Variants in MARCHF1 observed in about 807,000 individuals in gnomAD.
The protein encoded by MARCHF1 is membrane associated ring-CH-type finger 1, also known as E3 ubiquitin-protein ligase MARCHF1.
A neutral mutation model predicts 54.2 loss-of-function variants in MARCHF1; 40 were observed. The ratio of observed to expected loss-of-function variants is 0.74; its 90% CI spans 0.57 to 0.96. MARCHF1 has a LOEUF of 0.96. Among genes scored for constraint, MARCHF1 ranks in the 40% least tolerant of loss-of-function variants. The pLI is 0.00. For missense variants in MARCHF1, 586 were observed against 656.5 expected (o/e 0.89, Z 1.17); for synonymous variants, 236 against 236.3 (o/e 1.00, Z 0.01).
In MARCHF1 at chr4:164,343,251, TTAAATA is replaced by T. The variant is rs756139914; in HGVS notation, c.-323+40613_-323+40618del. On this transcript the variant is annotated intron_variant, in intron 1 of 9. Coordinates refer to ENST00000514618, the MANE Select transcript of MARCHF1 (RefSeq NM_001394959.1). ...ATATCAAAACATTACCTTGTACACC[TTAAATA>T]TATACAATTTTTACTTGTCAATCAT... Among the ~76,000 whole-genome samples the T allele has an allele frequency of 5.3e-4, 80 of 152,142 alleles. 1 individual carries two copies. The highest frequency in any genetic ancestry group is 8.8e-5 in the Non-Finnish European group (6 of 67,996).
Position 164,343,756 on chromosome 4 carries a change from A to C in MARCHF1, c.-323+40114T>G, listed in dbSNP as rs371796417. 1.2e-4 allele frequency among the ~76,000 whole-genome samples: 19 copies of C among 152,272 alleles called. No individual in the cohort carries two copies. In the Middle Eastern group the frequency reaches 0.01, roughly 82 times the overall value. On this transcript the variant is annotated intron_variant, in intron 1 of 9. Coordinates refer to ENST00000514618, the MANE Select transcript of MARCHF1 (RefSeq NM_001394959.1). ...TGCTGATGAGGTTGCCGAGAAATGG[A>C]AACACTTATACATTGCTGATGGAAA...
At chr4:164,264,777 G>T (rs568681796) in intron 1 of MARCHF1, among the ~76,000 whole-genome samples, 1 of 152,080 alleles carries the variant, frequency 6.6e-6, no homozygotes, top group South Asian at 2.1e-4. Flanking sequence ...AAAATTAGCT[G>T]GATGTGGTGG....
intron 2 of MARCHF1, among the ~76,000 whole-genome samples, chr4:163,992,637 G>A (rs1752989386): frequency 1.3e-5 from 2 of 151,248 alleles, no homozygotes; most frequent in South Asian, 4.2e-4. Context: ...ATTGGTTTAG[G>A]CCATATATAG....
At chr4:163,840,631 G>T (rs957236609) in intron 4 of MARCHF1, among the ~76,000 whole-genome samples, 1 of 152,082 alleles carries the variant, frequency 6.6e-6, no homozygotes, top group African/African-American at 2.4e-5. Context: ...GTGGTTCCCA[G>T]GGGCTGGAAG....
At chr4:164,013,797 A>G (rs1753478286) in intron 2 of MARCHF1, among the ~76,000 whole-genome samples, 1 of 152,200 alleles carries the variant, frequency 6.6e-6, no homozygotes, top group Non-Finnish European at 1.5e-5. Flanking sequence ...CTTCAAACAC[A>G]AACTAGAAAT....
intron 3 of MARCHF1, among the ~76,000 whole-genome samples, chr4:163,873,213 G>C (rs576923943): frequency 6.6e-6 from 1 of 152,212 alleles, no homozygotes; most frequent in Non-Finnish European, 1.5e-5. Context: ...AGCCTAAGTA[G>C]TTTCCCTTTA....
At chr4:164,376,331 C>CT (rs916387101) in intron 1 of MARCHF1, among the ~76,000 whole-genome samples, 1 of 152,130 alleles carries the variant, frequency 6.6e-6, no homozygotes, top group Non-Finnish European at 1.5e-5. Flanking sequence ...TATCTTCTTT[C>CT]TTTTTTTCTC....
chr4:163,650,156 A>T (rs1390854313), intron 5 of MARCHF1, among the ~76,000 whole-genome samples: 1 of 151,988 alleles, frequency 6.6e-6, no homozygotes, highest in African/African-American at 2.4e-5. Flanking sequence ...TCACACTGAG[A>T]AGTGTGAAGT....
At chr4:163,647,409 T>C (rs1013039476) in intron 5 of MARCHF1, among the ~76,000 whole-genome samples, 2 of 152,036 alleles carry the variant, frequency 1.3e-5, no homozygotes. Context: ...TTAGGTGAAA[T>C]GGACCTAACA....
chr4:163,875,604 G>T (rs1053838770), intron 3 of MARCHF1, among the ~76,000 whole-genome samples: 2 of 152,110 alleles, frequency 1.3e-5, no homozygotes, highest in African/African-American at 4.8e-5. Flanking sequence ...TGCATAAAAG[G>T]TTGGAATCTT....
intron 3 of MARCHF1, among the ~76,000 whole-genome samples, chr4:163,910,954 C>A (rs1751176205): frequency 6.6e-6 from 1 of 152,150 alleles, no homozygotes; most frequent in African/African-American, 2.4e-5. Flanking sequence ...GCAAAAATAA[C>A]ATGAATGAAT....
intron 5 of MARCHF1, among the ~76,000 whole-genome samples, chr4:163,674,189 C>T (rs1027871063): frequency 6.6e-6 from 1 of 152,014 alleles, no homozygotes; most frequent in Non-Finnish European, 1.5e-5. Flanking sequence ...AAAAACATAA[C>T]AAAGCAAAAT....
chr4:164,161,193 G>A (rs530858476), intron 1 of MARCHF1, among the ~76,000 whole-genome samples: 4 of 152,156 alleles, frequency 2.6e-5, no homozygotes, highest in East Asian at 3.9e-4. Flanking sequence ...TTCTGTCCTC[G>A]TGATAGGGAG....
At chr4:163,989,992 T>C (rs781475254) in intron 2 of MARCHF1, among the ~76,000 whole-genome samples, 5 of 152,212 alleles carry the variant, frequency 3.3e-5, no homozygotes, top group Non-Finnish European at 7.3e-5. Flanking sequence ...TACCTGTCTT[T>C]GTATTATACA....
intron 8 of MARCHF1, among the ~76,000 whole-genome samples, chr4:163,553,642 C>T (rs1340937513): frequency 2.0e-5 from 3 of 152,056 alleles, no homozygotes; most frequent in Non-Finnish European, 4.4e-5. Context: ...AATATATGCC[C>T]CAGTAACTTC....
At chr4:163,881,364 A>G (rs769282449) in intron 3 of MARCHF1, among the ~76,000 whole-genome samples, 11 of 152,124 alleles carry the variant, frequency 7.2e-5, no homozygotes, top group Non-Finnish European at 1.3e-4. Flanking sequence ...CCAGCTACTC[A>G]GGAGGCTGAG....
At chr4:164,145,929 T>G (rs1413616293) in intron 1 of MARCHF1, among the ~76,000 whole-genome samples, 1 of 97,452 alleles carries the variant, frequency 1.0e-5, no homozygotes, top group East Asian at 2.4e-4. Context: ...AACCCCATTG[T>G]CTCAGCCCAA....
At chr4:163,816,063 A>G (rs777700676) in intron 4 of MARCHF1, among the ~76,000 whole-genome samples, 1 of 152,230 alleles carries the variant, frequency 6.6e-6, no homozygotes, top group African/African-American at 2.4e-5. Context: ...CGGCAACCAT[A>G]TTGCATCAGA....
intron 1 of MARCHF1, among the ~76,000 whole-genome samples, chr4:164,320,689 G>A (rs1183164975): frequency 6.7e-6 from 1 of 148,990 alleles, no homozygotes; most frequent in African/African-American, 2.5e-5. Flanking sequence ...GAATGACCTA[G>A]GAATTCGTAT....
Sources: gnomAD v4.1 joint callset for allele counts (sites outside exome capture counted in the v4.1 genomes callset) on GRCh38, gnomAD v4.1.1 for gene constraint, MANE v1.5 for transcripts, NCBI Gene and HGNC (gene_info 2026-07-23, HGNC 2026-07-21) for gene names.